Variants in BEND3 observed in about 807,000 individuals in gnomAD.
The protein encoded by BEND3 is BEN domain-containing protein 3.
A neutral mutation model predicts 60.1 loss-of-function variants in BEND3; 13 were observed. The ratio of observed to expected loss-of-function variants is 0.22; its 90% confidence interval spans 0.14 to 0.34. The LOEUF (loss-of-function observed/expected upper bound fraction) is 0.34. Ranked by LOEUF, BEND3 falls within the 10% of genes least tolerant of loss-of-function variation. The pLI, the probability that BEND3 is intolerant of heterozygous loss-of-function variation, is 1.00. For missense variants in BEND3, 896 were observed against 1,138.1 expected, an observed-to-expected ratio of 0.79 and a Z score of 3.06; for synonymous variants, 497 against 491.5, an observed-to-expected ratio of 1.01 and a Z score of -0.15.
intron 3 of BEND3, among the ~76,000 whole-genome samples, chr6:107,086,572 G>A (rs929304981): frequency 3.2e-4 from 49 of 151,912 alleles, no homozygotes; most frequent in East Asian, 1.2e-3. Flanking sequence ...CCGAAATCGC[G>A]TCACTGCACT....
At chr6:107,103,958 AAAAAGAAAG>A (rs1236641081) in intron 1 of BEND3, among the ~76,000 whole-genome samples, 51 of 125,676 alleles carry the variant, frequency 4.1e-4, no homozygotes, top group Middle Eastern at 4.0e-3. Context: ...CAAAAAAAAA[AAAAAGAAAG>A]AAAGAAAGAA....
At chr6:107,084,062 A>G (rs1554233894) in intron 3 of BEND3, among the ~76,000 whole-genome samples, 1 of 152,258 alleles carries the variant, frequency 6.6e-6, no homozygotes, top group African/African-American at 2.4e-5. Context: ...GAACAAACTG[A>G]AAAAATCAAC....
At chr6:107,086,440 C>A (rs1006034799) in intron 3 of BEND3, among the ~76,000 whole-genome samples, 2 of 151,142 alleles carry the variant, frequency 1.3e-5, no homozygotes, top group Non-Finnish European at 2.9e-5. Flanking sequence ...CATGGTGAAA[C>A]CCTCTCTCTA....
rs781884149 is a variant in BEND3 at position 107,069,582 on chromosome 6, C to T, written c.1609G>A (p.Asp537Asn). 6.2e-6 allele frequency: 10 copies of T among 1,612,878 alleles called. No individual in the cohort carries two copies. Among genetic ancestry groups the T allele is most frequent in the Non-Finnish European group, 8.5e-6 (10 of 1,180,024 alleles). The change falls in exon 4 of 4, where the codon GAC becomes AAC. Residue 537 changes from aspartate (D) to asparagine (N), a missense_variant. Asp to Asn is a conservative substitution (Grantham distance 23). Transcript: ENST00000369042. ...KKIWLVPIDF[D>N]KLEIPQPDFE... ...TCAGGCTGGGGGATCTCTAACTTGT[C>T]GAAGTCGATGGGCACCAGCCAGATC...
At chr6:107,112,724 G>A (rs780877524) in intron 1 of BEND3, among the ~76,000 whole-genome samples, 7 of 151,932 alleles carry the variant, frequency 4.6e-5, no homozygotes, top group Non-Finnish European at 1.0e-4. Context: ...ATGGTGGCGC[G>A]CGCCTATAAT....
chr6:107,098,635 C>T lies in BEND3; in HGVS notation c.156G>A (p.Gln52=). 3.7e-6 allele frequency: 6 copies of T among 1,613,984 alleles called. No homozygotes were observed. The highest frequency in any genetic ancestry group is 5.1e-6 in the Non-Finnish European group (6 of 1,180,028). ...CCAGCTGCTTTCGTTTGCTGGAGTC[C>T]TGCAGGGCAGTGAGGACGCTGTCCA... The part of the protein sequence containing the change: ...HSVDSVLTAL[Q]DSSKRKQLVS... The change falls in exon 3 of 4, where the codon CAG becomes CAA. Residue 52 remains glutamine, a synonymous_variant. Coordinates refer to ENST00000369042, the MANE Select transcript of BEND3 (RefSeq NM_001367314.1).
intron 3 of BEND3, among the ~76,000 whole-genome samples, chr6:107,071,618 G>A (rs1168197678): frequency 6.6e-6 from 1 of 152,150 alleles, no homozygotes; most frequent in Non-Finnish European, 1.5e-5. Flanking sequence ...GCAACTGTGA[G>A]ACAGTAGAAA....
At chr6:107,114,219 G>A (rs1264760127) in intron 1 of BEND3, 2 of 152,256 alleles carry the variant, frequency 1.3e-5, no homozygotes, top group East Asian at 3.9e-4. Context: ...GCATGCGTGG[G>A]AAATCACGTT....
chr6:107,068,805 C>A lies in BEND3; in HGVS notation c.2386G>T (p.Val796Leu), dbSNP rs782190029. The A allele has an allele frequency of 6.2e-7, 1 of 1,614,022 alleles. No individual in the cohort carries two copies. The highest frequency in any genetic ancestry group is 1.3e-5 in the African/African-American group (1 of 74,936). ...CTGGGGATACATTCGTAGTGCCACACCTCCTCCATCTTCTCCACCGGGTAG... is the reference window on the plus strand; with the variant it reads ...CTGGGGATACATTCGTAGTGCCACAACTCCTCCATCTTCTCCACCGGGTAG... ...AVYPVEKMEE[V>L]WHYECIPSID... Residue 796 changes from valine (V) to leucine (L), a missense_variant, in exon 4 of 4, where the codon GTG becomes TTG. By Grantham distance (32) the Val-to-Leu change is conservative. Coordinates refer to ENST00000369042, the MANE Select transcript of BEND3 (RefSeq NM_001367314.1). The surrounding 1 kb of genome is among the most constrained non-coding windows in gnomAD (Gnocchi z 5.8).
chr6:107,113,841 G>A (rs1262594440), intron 1 of BEND3: 1 of 152,100 alleles, frequency 6.6e-6, no homozygotes, highest in Non-Finnish European at 1.5e-5. Context: ...CATCCCAGCC[G>A]TTTATATACC....
chr6:107,088,689 G>A (rs1775407828), intron 3 of BEND3, among the ~76,000 whole-genome samples: 1 of 151,966 alleles, frequency 6.6e-6, no homozygotes, highest in African/African-American at 2.4e-5. Flanking sequence ...GCAAGGAAGG[G>A]GACTGACAAT....
chr6:107,091,962 TA>T (rs1231412446), intron 3 of BEND3, among the ~76,000 whole-genome samples: 8 of 151,870 alleles, frequency 5.3e-5, no homozygotes, highest in African/African-American at 1.9e-4. Context: ...AGCCTCACAT[TA>T]AAAAAAACTG....
intron 3 of BEND3, among the ~76,000 whole-genome samples, chr6:107,097,951 A>G (rs7762545): frequency 0.17 from 26,317 of 152,162 alleles, 2,941 homozygotes; most frequent in Middle Eastern, 0.25. Context: ...CCTAAAATGT[A>G]TAACTTCCTA....
intron 3 of BEND3, among the ~76,000 whole-genome samples, chr6:107,082,862 G>C (rs1020372195): frequency 2.6e-5 from 4 of 152,154 alleles, no homozygotes; most frequent in Non-Finnish European, 4.4e-5. Flanking sequence ...CTTGAAGTGA[G>C]TTTGCAGAAC....
In BEND3 at chr6:107,069,370, G is replaced by T; in HGVS notation, c.1821C>A (p.Asp607Glu). The T allele has an allele frequency of 1.2e-6, 2 of 1,612,900 alleles. No homozygotes were observed. Among genetic ancestry groups the T allele is most frequent in the South Asian group, 2.2e-5 (2 of 91,024 alleles). ...GGCGGATGAGCTTGATGCGGGAGGG[G>T]TCCAGCTGCTTCTTGCCCAGGGAGC... is the stretch of plus-strand genomic sequence containing the variant. ...CSGSLGKKQL[D>E]PSRIKLIRHY... The change falls in exon 4 of 4, where the codon GAC becomes GAA. Residue 607 changes from aspartate to glutamate, a missense_variant. Transcript: ENST00000369042.
At chr6:107,099,360 C>T in intron 1 of BEND3, 64 bp from the exon 2 acceptor site, 5 of 1,463,628 alleles carry the variant, frequency 3.4e-6, no homozygotes, top group Middle Eastern at 1.7e-4. Context: ...ATTTTCTCTA[C>T]CCACAGAAAA....
Position 107,070,761 on chromosome 6 carries a change from G to T in BEND3, c.430C>A (p.Pro144Thr), listed in dbSNP as rs1554231922. ...ISHKIMEKKNPPSGDLLNVYE... is the reference protein window; with the variant it reads ...ISHKIMEKKNTPSGDLLNVYE... ...ACGTTTAGCAGGTCCCCCGAGGGAG[G>T]ATTCTTCTTCTCCATGATCTTGTGC... The change falls in exon 4 of 4, where the codon CCT becomes ACT. Residue 144 changes from proline (P) to threonine (T), a missense_variant. By Grantham distance (38) the Pro-to-Thr change is conservative. Transcript: ENST00000369042. The surrounding 1 kb of genome is among the most constrained non-coding windows in gnomAD (Gnocchi z 6.9). The T allele has an allele frequency of 6.2e-7, 1 of 1,613,986 alleles. No individual in the cohort carries two copies. The highest frequency in any genetic ancestry group is 8.5e-7 in the Non-Finnish European group (1 of 1,180,024).
chr6:107,089,923 T>C (rs889503944), intron 3 of BEND3, among the ~76,000 whole-genome samples: 1 of 151,436 alleles, frequency 6.6e-6, no homozygotes, highest in Non-Finnish European at 1.5e-5. Context: ...ACAATCCCTA[T>C]CAAAATTCCA....
intron 3 of BEND3, among the ~76,000 whole-genome samples, chr6:107,084,746 TCAATCAGCGCTCTGTAAAAACGTAC>T (rs1393700712): frequency 2.0e-5 from 3 of 151,748 alleles, no homozygotes; most frequent in Non-Finnish European, 4.4e-5. Context: ...TAAAAACGCA[TCAATCAGCGCTCTGTAAAAACGTAC>T]CAATCAGTGC....
Sources: gnomAD v4.1 joint callset for allele counts (sites outside exome capture counted in the v4.1 genomes callset) on GRCh38, gnomAD v4.1.1 for gene constraint, Gnocchi (gnomAD v3.1) non-coding constraint, MANE v1.5 for transcripts, NCBI Gene and HGNC (gene_info 2026-07-23, HGNC 2026-07-21) for gene names.